The following POLR3G variants were observed in gnomAD, a reference collection of about 807,000 sequenced individuals.
POLR3G encodes the protein DNA-directed RNA polymerase III subunit RPC7.
POLR3G carries 28 observed loss-of-function variants against 30.1 expected under a neutral mutation model. That is an observed-to-expected ratio of 0.93 (90% CI 0.69 to 1.27). The LOEUF (loss-of-function observed/expected upper bound fraction) is 1.27, where lower values mean the gene tolerates loss of function less well. Ranked by LOEUF, POLR3G falls within the 50% of genes most tolerant of loss-of-function variation. POLR3G has a pLI of 0.00. For synonymous variants in POLR3G, 79 were observed against 82.5 expected (o/e 0.96, Z 0.23); for missense variants, 254 against 264.6 (o/e 0.96, Z 0.28).
chr5:90,514,420 A>C lies in POLR3G; in HGVS notation c.*2281A>C, dbSNP rs917291514. On this transcript the variant is annotated 3_prime_UTR_variant, in exon 8 of 8. Transcript: ENST00000651687. Reference sequence around the variant, plus strand: ...ATGTGTTCGTTTGTTTTATAGTAAGATGTTTTATTTTGAACTTATTTAAAT... The same window carrying C: ...ATGTGTTCGTTTGTTTTATAGTAAGCTGTTTTATTTTGAACTTATTTAAAT... The C allele has an allele frequency of 6.6e-6, 1 of 151,722 alleles. No homozygotes were observed. Among genetic ancestry groups the C allele is most frequent in the African/African-American group, 2.4e-5 (1 of 41,214 alleles). The allele number at this position is 151,722 out of a possible 1,614,324, so 9.4% of individuals were successfully genotyped here.
At chr5:90,480,838 G>A (rs1751088423) in intron 1 of POLR3G, among the ~76,000 whole-genome samples, 1 of 152,156 alleles carries the variant, frequency 6.6e-6, no homozygotes, top group Non-Finnish European at 1.5e-5. Context: ...TTCTTAGAGT[G>A]AAAGGTGTGA....
In POLR3G at chr5:90,512,147, A is replaced by G; in HGVS notation, c.*8A>G. ...GATGAGGCAACCTATTAGGCATGAA[A>G]TTTTTCAAAAAATATTTTTATGATG... On this transcript the variant is annotated 3_prime_UTR_variant, in exon 8 of 8. Coordinates refer to ENST00000651687, the MANE Select transcript of POLR3G (RefSeq NM_006467.3). 2.6e-6 allele frequency: 4 copies of G among 1,558,818 alleles called. No individual in the cohort carries two copies. The highest frequency in any genetic ancestry group is 2.7e-6 in the Non-Finnish European group (3 of 1,131,778).
chr5:90,495,399 T>C (rs1207566668), intron 3 of POLR3G, among the ~76,000 whole-genome samples: 4 of 152,168 alleles, frequency 2.6e-5, no homozygotes, highest in Non-Finnish European at 5.9e-5. Flanking sequence ...ATGGCTTTAC[T>C]GGTTTTGGCA....
At chr5:90,480,426 G>A (rs1160919489) in intron 1 of POLR3G, among the ~76,000 whole-genome samples, 1 of 151,056 alleles carries the variant, frequency 6.6e-6, no homozygotes, top group Non-Finnish European at 1.5e-5. Flanking sequence ...TATTAAATGT[G>A]TCAAAAGCTA....
intron 1 of POLR3G, among the ~76,000 whole-genome samples, chr5:90,483,255 C>G (rs1405685349): frequency 6.6e-6 from 1 of 151,822 alleles, no homozygotes; most frequent in African/African-American, 2.4e-5. Context: ...ATTACTCTTT[C>G]TGTATTGCAA....
Position 90,506,791 on chromosome 5 carries a change from ATAT to A in POLR3G, c.585+124_585+126del, listed in dbSNP as rs575751441. On this transcript the variant is annotated intron_variant, in intron 7 of 7. Coordinates refer to ENST00000651687, the MANE Select transcript of POLR3G (RefSeq NM_006467.3). ...AACCAAGATGATGGGAACCAGAAGT[ATAT>A]TATTATCAATGGCATCGATTCCTTG... is the stretch of plus-strand genomic sequence containing the variant. The A allele has an allele frequency of 9.0e-4, 1,223 of 1,361,696 alleles. 11 individuals carry two copies. In the African/African-American group the frequency reaches 0.016, roughly 17 times the overall value. The allele number at this position is 1,361,696 out of a possible 1,614,324, so 84.4% of individuals were successfully genotyped here.
intron 1 of POLR3G, among the ~76,000 whole-genome samples, chr5:90,483,082 G>A (rs1428357356): frequency 6.9e-6 from 1 of 145,656 alleles, no homozygotes; most frequent in African/African-American, 2.5e-5. Context: ...GGAGGTTGCA[G>A]TCAGCGGAGA....
chr5:90,496,659 C>A (rs1382777846), intron 4 of POLR3G, among the ~76,000 whole-genome samples: 1 of 152,232 alleles, frequency 6.6e-6, no homozygotes, highest in Non-Finnish European at 1.5e-5. Flanking sequence ...GTGGCCAATA[C>A]TGTTAGAACC....
rs1229904161 is a variant in POLR3G at position 90,494,103 on chromosome 5, G to A, written c.248-1574G>A. Among the ~76,000 whole-genome samples, 2 of 152,018 alleles carry A rather than the reference G, an allele frequency of 1.3e-5. 1 individual carries two copies. Among genetic ancestry groups the A allele is most frequent in the Non-Finnish European group, 2.9e-5 (2 of 68,016 alleles). On this transcript the variant is annotated intron_variant, in intron 3 of 7. Coordinates refer to ENST00000651687, the MANE Select transcript of POLR3G (RefSeq NM_006467.3). ...CCTACTCTCCCTCCTTCCAACCCAT[G>A]GCACCAGAAATCTGCTTTCTGTCTC...
chr5:90,487,671 G>T (rs1010990747), intron 2 of POLR3G, among the ~76,000 whole-genome samples: 1 of 152,050 alleles, frequency 6.6e-6, no homozygotes, highest in South Asian at 2.1e-4. Context: ...GATTACAGGC[G>T]TGAGCCACCA....
chr5:90,501,240 G>A (rs1269888101), intron 5 of POLR3G, among the ~76,000 whole-genome samples: 1 of 152,016 alleles, frequency 6.6e-6, no homozygotes, highest in Non-Finnish European at 1.5e-5. Context: ...ATATATTTAA[G>A]GCAGAAGTAT....
At chr5:90,498,747 A>G (rs1479872797) in intron 5 of POLR3G, among the ~76,000 whole-genome samples, 2 of 152,270 alleles carry the variant, frequency 1.3e-5, no homozygotes, top group Non-Finnish European at 2.9e-5. Context: ...GCCAAAGTGA[A>G]TGTTTACAGT....
chr5:90,514,418 AG>A lies in POLR3G; in HGVS notation c.*2280del, dbSNP rs1752873541. The stretch of plus-strand genomic sequence containing the variant: ...AAATGTGTTCGTTTGTTTTATAGTA[AG>A]ATGTTTTATTTTGAACTTATTTAAA... On this transcript the variant is annotated 3_prime_UTR_variant, in exon 8 of 8. Coordinates refer to ENST00000651687, the MANE Select transcript of POLR3G (RefSeq NM_006467.3). 6.6e-6 allele frequency: 1 copy of A among 151,844 alleles called. No individual in the cohort carries two copies. The highest frequency in any genetic ancestry group is 2.4e-5 in the African/African-American group (1 of 41,278). 9.4% of individuals were successfully genotyped at this position (151,844 alleles called of 1,614,324 possible).
chr5:90,488,183 G>A, intron 3 of POLR3G, 54 bp downstream of exon 3: 3 of 1,368,348 alleles, frequency 2.2e-6, no homozygotes, highest in African/African-American at 1.5e-5. Context: ...ATGAAACAGT[G>A]TTTAAGCACA....
chr5:90,474,173 C>T (rs1417256219), upstream of POLR3G: 1 of 1,604,302 alleles, frequency 6.2e-7, no homozygotes. Flanking sequence ...TCACCACGTC[C>T]TGCTCGGAGC....
At chr5:90,502,225 C>G (rs1752280537) in intron 6 of POLR3G, 1 of 984,542 alleles carries the variant, frequency 1.0e-6, no homozygotes. Context: ...CTTCTGTCAC[C>G]TCTTTCTTTT....
chr5:90,484,966 C>T (rs1347679531), intron 1 of POLR3G, among the ~76,000 whole-genome samples: 1 of 152,108 alleles, frequency 6.6e-6, no homozygotes, highest in African/African-American at 2.4e-5. Context: ...TTGAAGAGTA[C>T]AGGTTTATCA....
upstream of POLR3G, chr5:90,473,943 A>G: frequency 6.2e-7 from 1 of 1,603,756 alleles, no homozygotes; most frequent in Non-Finnish European, 8.5e-7. Flanking sequence ...AAGCCAGGTC[A>G]CGGTCTCAAA....
chr5:90,504,661 C>CTGCACAGAGCTA (rs1478745927), intron 6 of POLR3G, among the ~76,000 whole-genome samples: 1 of 152,052 alleles, frequency 6.6e-6, no homozygotes, highest in East Asian at 1.9e-4. Context: ...AGTGTGTACC[C>CTGCACAGAGCTA]TGCACAGAGC....
Sources: allele counts gnomAD v4.1 joint callset (sites outside exome capture counted in the v4.1 genomes callset), GRCh38; gene constraint gnomAD v4.1.1; transcripts MANE v1.5; gene names NCBI Gene and HGNC (gene_info 2026-07-23, HGNC 2026-07-21).